Variants in BMP3 observed in about 807,000 individuals in gnomAD.
BMP3 encodes the protein bone morphogenetic protein 3 (osteogenic).
Under a neutral mutation model 38.1 loss-of-function variants are expected in BMP3, and 23 were observed. That is an observed-to-expected ratio of 0.60 (90% CI 0.43 to 0.86). BMP3 has a LOEUF of 0.86. BMP3 is among the 40% of genes least tolerant of loss of function. The pLI, the probability that BMP3 is intolerant of heterozygous loss-of-function variation, is 0.00. For missense variants in BMP3, 628 were observed against 579.6 expected, an observed-to-expected ratio of 1.08 and a Z score of -0.86; for synonymous variants, 258 against 225.7, an observed-to-expected ratio of 1.14 and a Z score of -1.28.
chr4:81,054,269 CAG>C lies in BMP3; in HGVS notation c.*738_*739del, dbSNP rs1740486733. 6.6e-6 allele frequency: 1 copy of C among 152,540 alleles called. No individual in the cohort carries two copies. The highest frequency in any genetic ancestry group is 2.4e-5 in the African/African-American group (1 of 41,410). 9.4% of individuals were successfully genotyped at this position (152,540 alleles called of 1,614,324 possible). A position where few individuals can be genotyped will look rare whatever the true frequency, so the allele number is the denominator to read the frequency against. On this transcript the variant is annotated 3_prime_UTR_variant, in exon 3 of 3. Transcript: ENST00000282701. ...TGATAGAATAATTCAAGAGCATATA[CAG>C]AGAGTTACCACTTGACCCAGCTATT...
Position 81,056,786 on chromosome 4 carries a change from TA to T in BMP3, c.*3254del, listed in dbSNP as rs1198290736. The stretch of plus-strand genomic sequence containing the variant: ...GATTTTTTACCTTAATATTTCTGAA[TA>T]AAACTCTTATTGCCCATTTAATATT... On this transcript the variant is annotated 3_prime_UTR_variant, in exon 3 of 3. Transcript: ENST00000282701. 6.6e-6 allele frequency: 1 copy of T among 152,606 alleles called. No individual in the cohort carries two copies. The highest frequency in any genetic ancestry group is 1.5e-5 in the Non-Finnish European group (1 of 68,022). The allele number at this position is 152,606 out of a possible 1,614,324, so 9.5% of individuals were successfully genotyped here.
At position 81,054,259 on chromosome 4, in the gene BMP3, A is replaced by G. The variant is rs1234182043; in HGVS notation, c.*723A>G. The stretch of plus-strand genomic sequence containing the variant: ...TTGCCAAATATGATAGAATAATTCA[A>G]GAGCATATACAGAGAGTTACCACTT... On this transcript the variant is annotated 3_prime_UTR_variant, in exon 3 of 3. Transcript: ENST00000282701. The G allele has an allele frequency of 6.6e-6, 1 of 152,630 alleles. No homozygotes were observed. The allele number at this position is 152,630 out of a possible 1,614,324, so 9.5% of individuals were successfully genotyped here. A position where few individuals can be genotyped will look rare whatever the true frequency, so the allele number is the denominator to read the frequency against.
In BMP3 at chr4:81,030,878, C is replaced by G. The variant is rs779984956; in HGVS notation, c.-407C>G. ...GCGCACAGCCCCGGCTCCGACCTGG[C>G]GCCCAAAACAGAGCTAGTCCTAGTC... On this transcript the variant is annotated 5_prime_UTR_variant, in exon 1 of 3. Transcript: ENST00000282701. 1.4e-4 allele frequency: 25 copies of G among 182,298 alleles called. No individual in the cohort carries two copies. Among genetic ancestry groups the G allele is most frequent in the Non-Finnish European group, 2.6e-4 (23 of 88,766 alleles). The allele number at this position is 182,298 out of a possible 1,614,324, so 11.3% of individuals were successfully genotyped here.
intron 1 of BMP3, 61 bp downstream of exon 1, chr4:81,031,661 C>T (rs997035805): frequency 1.3e-5 from 19 of 1,472,882 alleles, no homozygotes; most frequent in East Asian, 2.5e-5. Context: ...CCCGGGACCC[C>T]CCACAGCTTC....
chr4:81,041,364 A>G (rs1036583211), intron 1 of BMP3, among the ~76,000 whole-genome samples: 4 of 152,240 alleles, frequency 2.6e-5, no homozygotes, highest in African/African-American at 9.6e-5. Flanking sequence ...GTGTTTTAGA[A>G]TCAGAGAAGG....
chr4:81,035,924 G>C lies in BMP3; in HGVS notation c.316+4324G>C, dbSNP rs141513271. 3.9e-5 allele frequency among the ~76,000 whole-genome samples: 6 copies of C among 152,056 alleles called. No individual in the cohort carries two copies. In the East Asian group the frequency reaches 1.2e-3, roughly 29 times the overall value. The stretch of plus-strand genomic sequence containing the variant: ...TCTAAGATGTCTAGTTGGGAAAACA[G>C]TGGTTCAACGGAACACTGTCTCATT... On this transcript the variant is annotated intron_variant, in intron 1 of 2. Coordinates refer to ENST00000282701, the MANE Select transcript of BMP3 (RefSeq NM_001201.5).
chr4:81,044,656 AAC>A (rs1157557557), intron 1 of BMP3, among the ~76,000 whole-genome samples: 12 of 152,232 alleles, frequency 7.9e-5, no homozygotes, highest in African/African-American at 2.9e-4. Flanking sequence ...GCTTCTGGCA[AAC>A]ACCGATCTGA....
chr4:81,046,300 C>T lies in BMP3; in HGVS notation c.879C>T (p.Val293=). 2 of 1,614,066 alleles carry T rather than the reference C, an allele frequency of 1.2e-6. No homozygotes were observed. The highest frequency in any genetic ancestry group is 1.7e-6 in the Non-Finnish European group (2 of 1,180,020). ...GGAGGAAGAAGCGCTCTACTGGGGT[C>T]TTGCTGCCTCTGCAGAACAACGAGC... ...IERRKKRSTG[V]LLPLQNNELP... Residue 293 remains valine, a synonymous_variant, in exon 2 of 3, where the codon GTC becomes GTT. Transcript: ENST00000282701.
rs1740213484 is a variant in BMP3, at chr4:81,045,760, G to A, written c.339G>A (p.Leu113=). The A allele has an allele frequency of 5.6e-6, 9 of 1,608,202 alleles. No homozygotes were observed. Among genetic ancestry groups the A allele is most frequent in the Non-Finnish European group, 7.6e-6 (9 of 1,177,728 alleles). ...AAAETLERKG[L]YIFNLTSLTK... ...TAGAAACTCTTGAAAGAAAAGGACT[G>A]TATATCTTCAATCTGACATCGCTAA... Residue 113 remains leucine, a synonymous_variant, in exon 2 of 3, where the codon CTG becomes CTA. Coordinates refer to ENST00000282701, the MANE Select transcript of BMP3 (RefSeq NM_001201.5).
At chr4:81,043,129 G>A (rs567728219) in intron 1 of BMP3, among the ~76,000 whole-genome samples, 2 of 152,266 alleles carry the variant, frequency 1.3e-5, no homozygotes, top group South Asian at 4.1e-4. Flanking sequence ...ACTGAAACAT[G>A]TTTTTGATCA....
chr4:81,034,741 C>T (rs967585909), intron 1 of BMP3, among the ~76,000 whole-genome samples: 6 of 152,060 alleles, frequency 3.9e-5, no homozygotes, highest in African/African-American at 1.4e-4. Flanking sequence ...TATTTTCCTG[C>T]AATGAGGAAG....
chr4:81,031,218 G>T lies in BMP3; in HGVS notation c.-67G>T. The T allele has an allele frequency of 6.9e-7, 1 of 1,451,250 alleles. No homozygotes were observed. Among genetic ancestry groups the T allele is most frequent in the Non-Finnish European group, 9.1e-7 (1 of 1,095,344 alleles). 89.9% of individuals were successfully genotyped at this position (1,451,250 alleles called of 1,614,324 possible). Reference sequence around the variant, plus strand: ...AGTTCAACCCTCGGCTCCGCCGCCGGCTCCTTGCGCCTTCGGAGTGTCCCG... The same window carrying T: ...AGTTCAACCCTCGGCTCCGCCGCCGTCTCCTTGCGCCTTCGGAGTGTCCCG... On this transcript the variant is annotated 5_prime_UTR_variant, in exon 1 of 3. Coordinates refer to ENST00000282701, the MANE Select transcript of BMP3 (RefSeq NM_001201.5).
intron 2 of BMP3, among the ~76,000 whole-genome samples, chr4:81,047,947 G>A (rs1287007116): frequency 1.5e-3 from 133 of 91,474 alleles, no homozygotes; most frequent in African/African-American, 4.6e-3. Flanking sequence ...ACTCTGAAGA[G>A]AAAAAAAAAA....
At chr4:81,035,172 C>T (rs777869809) in intron 1 of BMP3, among the ~76,000 whole-genome samples, 14 of 152,104 alleles carry the variant, frequency 9.2e-5, no homozygotes, top group South Asian at 8.3e-4. Context: ...ACAAGCAAGA[C>T]AGCTTCATAA....
rs1740254180 is a variant in BMP3, at chr4:81,046,542, A to G, written c.1121A>G (p.Tyr374Cys). Residue 374 changes from tyrosine to cysteine, a missense_variant, in exon 2 of 3, where the codon TAC becomes TGC. Physicochemically the swap from Tyr to Cys is radical, Grantham distance 194 (BLOSUM62 -2). Coordinates refer to ENST00000282701, the MANE Select transcript of BMP3 (RefSeq NM_001201.5). ...GAACCTCGGAATTGCGCCAGGAGAT[A>G]CCTCAAGGTAGACTTTGCAGATATT... Reference protein sequence around the residue: ...WIEPRNCARRYLKVDFADIGW... With the variant: ...WIEPRNCARRCLKVDFADIGW... The G allele has an allele frequency of 1.1e-5, 18 of 1,614,156 alleles. No individual in the cohort carries two copies. Among genetic ancestry groups the G allele is most frequent in the Non-Finnish European group, 1.4e-5 (17 of 1,180,020 alleles).
At chr4:81,051,605 T>C (rs1426261677) in intron 2 of BMP3, among the ~76,000 whole-genome samples, 1 of 152,192 alleles carries the variant, frequency 6.6e-6, no homozygotes, top group East Asian at 1.9e-4. Flanking sequence ...TGCAAAAGCT[T>C]TCTTTAGAAA....
In BMP3 at chr4:81,055,356, G is replaced by A. The variant is rs373214913; in HGVS notation, c.*1820G>A. 4 of 152,318 alleles carry A rather than the reference G, an allele frequency of 2.6e-5. No homozygotes were observed. Among genetic ancestry groups the A allele is most frequent in the East Asian group, 1.9e-4 (1 of 5,190 alleles). The allele number at this position is 152,318 out of a possible 1,614,324, so 9.4% of individuals were successfully genotyped here. ...GGGGTACACAAATGTTGGTGTGGGT[G>A]TGTGTTAATTCTGTGAGTGAGACAC... is the stretch of plus-strand genomic sequence containing the variant. On this transcript the variant is annotated 3_prime_UTR_variant, in exon 3 of 3. Transcript: ENST00000282701.
At chr4:81,039,891 A>G (rs954311499) in intron 1 of BMP3, among the ~76,000 whole-genome samples, 3 of 152,194 alleles carry the variant, frequency 2.0e-5, no homozygotes, top group Non-Finnish European at 4.4e-5. Context: ...GAAAATGGTA[A>G]TAGAGGCAGG....
chr4:81,031,199 A>G lies in BMP3; in HGVS notation c.-86A>G, dbSNP rs1193399098. 1.6e-5 allele frequency: 22 copies of G among 1,406,466 alleles called. No homozygotes were observed. The highest frequency in any genetic ancestry group is 2.0e-5 in the Non-Finnish European group (21 of 1,060,924). 87.1% of individuals were successfully genotyped at this position (1,406,466 alleles called of 1,614,324 possible). On this transcript the variant is annotated 5_prime_UTR_variant, in exon 1 of 3. Transcript: ENST00000282701. ...CTCGCCCCAGCTGGTTTGGAGTTCA[A>G]CCCTCGGCTCCGCCGCCGGCTCCTT... is the stretch of plus-strand genomic sequence containing the variant.
Sources: allele counts gnomAD v4.1 joint callset (sites outside exome capture counted in the v4.1 genomes callset), GRCh38; gene constraint gnomAD v4.1.1; transcripts MANE v1.5; gene names NCBI Gene and HGNC (gene_info 2026-07-23, HGNC 2026-07-21).